The following PAN3 variants were observed in gnomAD, a reference collection of about 807,000 sequenced individuals.
The protein encoded by PAN3 is PAN2-PAN3 deadenylation complex subunit PAN3.
A neutral mutation model predicts 96.2 loss-of-function variants in PAN3; 19 were observed. The ratio of observed to expected loss-of-function variants is 0.20; its 90% CI spans 0.14 to 0.29. The LOEUF (loss-of-function observed/expected upper bound fraction) is 0.29, where lower values mean the gene tolerates loss of function less well. Ranked by LOEUF, PAN3 falls within the 10% of genes least tolerant of loss-of-function variation. The pLI is 1.00. For synonymous variants in PAN3, 433 were observed against 406.6 expected (o/e 1.06, Z -0.78); for missense variants, 882 against 1,108.1 (o/e 0.80, Z 2.90).
chr13:28,154,713 C>T lies in PAN3; in HGVS notation c.430+15626C>T, dbSNP rs547866801. Reference sequence around the variant, plus strand: ...GTTTCGTCATGTTAGCCAGGCTGGTCTCGAACTCCTGACCTCAGGCAATCC... The same window carrying T: ...GTTTCGTCATGTTAGCCAGGCTGGTTTCGAACTCCTGACCTCAGGCAATCC... On this transcript the variant is annotated intron_variant, in intron 1 of 18. Coordinates refer to ENST00000380958, the MANE Select transcript of PAN3 (RefSeq NM_175854.8). Among the ~76,000 whole-genome samples the T allele has an allele frequency of 2.6e-5, 4 of 151,680 alleles. No homozygotes were observed. In the South Asian group the frequency reaches 6.2e-4, roughly 24 times the overall value.
At chr13:28,285,188 A>G (rs1345824429) in intron 17 of PAN3, among the ~76,000 whole-genome samples, 2 of 151,956 alleles carry the variant, frequency 1.3e-5, no homozygotes, top group African/African-American at 2.4e-5. Context: ...CTGGTACCTT[A>G]TTGTTTGGGT....
intron 1 of PAN3, among the ~76,000 whole-genome samples, chr13:28,171,287 C>G (rs965124788): frequency 2.0e-5 from 3 of 152,212 alleles, no homozygotes; most frequent in Non-Finnish European, 4.4e-5. Flanking sequence ...CTACTACACT[C>G]TCACACAACA....
At chr13:28,270,664 C>T in intron 12 of PAN3, 37 bp from the exon 13 acceptor site, 1 of 1,594,310 alleles carries the variant, frequency 6.3e-7, no homozygotes, top group South Asian at 1.1e-5. Flanking sequence ...TAGTTGATTA[C>T]TTAAGATGTC....
intron 14 of PAN3, among the ~76,000 whole-genome samples, chr13:28,276,172 G>A (rs1180689528): frequency 6.6e-6 from 1 of 152,062 alleles, no homozygotes; most frequent in Non-Finnish European, 1.5e-5. Flanking sequence ...TACCAAAATT[G>A]GGACGAGGGG....
intron 9 of PAN3, among the ~76,000 whole-genome samples, chr13:28,262,898 A>T (rs1885853215): frequency 6.6e-6 from 1 of 152,232 alleles, no homozygotes; most frequent in African/African-American, 2.4e-5. Context: ...TTTATTTATT[A>T]CGCAGTATTA....
chr13:28,187,032 TTAAAAA>T (rs1876571006), intron 4 of PAN3, among the ~76,000 whole-genome samples: 1 of 151,898 alleles, frequency 6.6e-6, no homozygotes, highest in African/African-American at 2.4e-5. Flanking sequence ...AGACCCGTCT[TTAAAAA>T]GAAAAAGCCC....
At position 28,194,468 on chromosome 13, in the gene PAN3, T is replaced by TATA. The variant is rs1298627227; in HGVS notation, c.691-2717_691-2716insATA. Reference sequence around the variant, plus strand: ...TATGTATGTATATATATATATATATTTTTTTTTTTTTTTTTTTGTAGAGAC... The same window carrying TATA: ...TATGTATGTATATATATATATATATTATATTTTTTTTTTTTTTTTTGTAGAGAC... On this transcript the variant is annotated intron_variant, in intron 4 of 18. Coordinates refer to ENST00000380958, the MANE Select transcript of PAN3 (RefSeq NM_175854.8). Among the ~76,000 whole-genome samples, 362 of 91,334 alleles carry TATA rather than the reference T, an allele frequency of 4.0e-3. 1 individual carries two copies. Among genetic ancestry groups the TATA allele is most frequent in the Middle Eastern group, 0.025 (4 of 160 alleles). 59.9% of individuals were successfully genotyped at this position (91,334 alleles called of 152,430 possible).
chr13:28,244,314 CTG>C (rs1235583579), intron 6 of PAN3, among the ~76,000 whole-genome samples: 27 of 152,194 alleles, frequency 1.8e-4, no homozygotes, highest in African/African-American at 6.3e-4. Context: ...AAAAAGTAGT[CTG>C]AGAGTTATTT....
At chr13:28,156,992 CAAAAAAAAAAA>C (rs35448291) in intron 1 of PAN3, among the ~76,000 whole-genome samples, 104 of 18,454 alleles carry the variant, frequency 5.6e-3, no homozygotes, top group African/African-American at 0.014. Context: ...GAGACCCTGT[CAAAAAAAAAAA>C]AAAAAAAAAA....
intron 6 of PAN3, among the ~76,000 whole-genome samples, chr13:28,254,204 T>C (rs1027733363): frequency 6.6e-6 from 1 of 152,226 alleles, no homozygotes. Context: ...ACTTTGGAAT[T>C]AAATCAACCT....
intron 12 of PAN3, among the ~76,000 whole-genome samples, chr13:28,268,030 T>C (rs1886328799): frequency 6.6e-6 from 1 of 152,226 alleles, no homozygotes; most frequent in South Asian, 2.1e-4. Flanking sequence ...GGAAATGTGT[T>C]AAAATTGTTT....
In PAN3 at chr13:28,277,398, A is replaced by G. The variant is rs1887151852; in HGVS notation, c.2189+22A>G. 3.1e-6 allele frequency: 5 copies of G among 1,591,518 alleles called. No homozygotes were observed. In the East Asian group the frequency reaches 6.8e-5, roughly 21 times the overall value. On this transcript the variant is annotated intron_variant, in intron 15 of 18. Coordinates refer to ENST00000380958, the MANE Select transcript of PAN3 (RefSeq NM_175854.8). ...TTTTGTAAGTTTTAATATATGATAA[A>G]TTGTACAGAATGATTATTTGCGATA...
chr13:28,193,480 G>A (rs1235146418), intron 4 of PAN3, among the ~76,000 whole-genome samples: 2 of 151,988 alleles, frequency 1.3e-5, no homozygotes, highest in African/African-American at 4.8e-5. Flanking sequence ...CGTGGTTCAC[G>A]CCTGTAATCC....
In PAN3 at chr13:28,292,486, T is replaced by C. The variant is rs762270292; in HGVS notation, c.2628T>C (p.Phe876=). ...TAAAGCGCTGCTTTGAAAATACTTT[T>C]CAAGAACTGATTGCAGCTGCAAATG... ...SDLKRCFENT[F]QELIAAANGQ... The change falls in exon 19 of 19, where the codon TTT becomes TTC. Residue 876 remains phenylalanine, a synonymous_variant. Coordinates refer to ENST00000380958, the MANE Select transcript of PAN3 (RefSeq NM_175854.8). 1.2e-6 allele frequency: 2 copies of C among 1,612,428 alleles called. No homozygotes were observed. Among genetic ancestry groups the C allele is most frequent in the East Asian group, 2.2e-5 (1 of 44,852 alleles).
intron 6 of PAN3, among the ~76,000 whole-genome samples, chr13:28,230,551 G>A (rs753678569): frequency 1.3e-4 from 20 of 151,856 alleles, no homozygotes; most frequent in Non-Finnish European, 2.8e-4. Context: ...ACATGTCCTG[G>A]CAAAAAAAGA....
chr13:28,260,696 A>AT lies in PAN3; in HGVS notation c.1353+153dup, dbSNP rs551196625. 8.4e-3 allele frequency: 5,429 copies of AT among 643,930 alleles called. 36 individuals carry two copies. The highest frequency in any genetic ancestry group is 9.8e-3 in the Non-Finnish European group (3,906 of 398,990). The allele number at this position is 643,930 out of a possible 1,614,324, so 39.9% of individuals were successfully genotyped here. A position where few individuals can be genotyped will look rare whatever the true frequency, so the allele number is the denominator to read the frequency against. On this transcript the variant is annotated intron_variant, in intron 8 of 18. Coordinates refer to ENST00000380958, the MANE Select transcript of PAN3 (RefSeq NM_175854.8). Reference sequence around the variant, plus strand: ...ATCGAATTTAGAAGTTTTAATTGGTATTTTTTTTAAGGAAACCTGTCTTTT... The same window carrying AT: ...ATCGAATTTAGAAGTTTTAATTGGTATTTTTTTTTAAGGAAACCTGTCTTTT...
intron 9 of PAN3, among the ~76,000 whole-genome samples, chr13:28,263,428 G>A (rs1885901413): frequency 6.6e-6 from 1 of 152,212 alleles, no homozygotes; most frequent in Non-Finnish European, 1.5e-5. Context: ...CGCCTCCTGG[G>A]CTCAAGCAGT....
At chr13:28,206,905 C>A (rs1566186777) in intron 5 of PAN3, among the ~76,000 whole-genome samples, 2 of 151,966 alleles carry the variant, frequency 1.3e-5, no homozygotes, top group East Asian at 3.9e-4. Flanking sequence ...CTCCTGGATA[C>A]TTTTTTCCCC....
intron 6 of PAN3, among the ~76,000 whole-genome samples, chr13:28,225,704 C>T (rs1385833556): frequency 1.3e-5 from 2 of 152,278 alleles, no homozygotes; most frequent in South Asian, 4.1e-4. Flanking sequence ...AAAGTCTTGT[C>T]TCTCTTCCAT....
Sources: allele counts gnomAD v4.1 joint callset (sites outside exome capture counted in the v4.1 genomes callset), GRCh38; gene constraint gnomAD v4.1.1; transcripts MANE v1.5; gene names NCBI Gene and HGNC (gene_info 2026-07-23, HGNC 2026-07-21).